KIAA2012: variants seen among roughly 807,000 people sequenced by gnomAD.
The protein encoded by KIAA2012 is KIAA2012.
In KIAA2012, 125 loss-of-function variants were observed where a neutral mutation model predicts 150.6. That is an observed-to-expected ratio of 0.83 (90% CI 0.72 to 0.96). The LOEUF is 0.96. KIAA2012 is among the 40% of genes least tolerant of loss of function. The pLI is 0.00. For missense variants in KIAA2012, 1,219 were observed against 1,354.9 expected (o/e 0.90, Z 1.57); for synonymous variants, 462 against 504.7 (o/e 0.92, Z 1.13).
intron 2 of KIAA2012, among the ~76,000 whole-genome samples, chr2:202,082,722 C>T (rs768058034): frequency 1.1e-4 from 16 of 152,040 alleles, no homozygotes; most frequent in Non-Finnish European, 1.5e-4. Context: ...GAAGCTTTTC[C>T]CCTATGGTTG....
At chr2:202,158,430 G>T (rs1016630217) in intron 14 of KIAA2012, among the ~76,000 whole-genome samples, 4 of 152,206 alleles carry the variant, frequency 2.6e-5, no homozygotes, top group Admixed American at 1.3e-4. Context: ...AATGAAACAG[G>T]TAATAGCACA....
At chr2:202,165,262 T>A in intron 14 of KIAA2012, 22 bp from the exon 15 acceptor site, 1 of 1,546,874 alleles carries the variant, frequency 6.5e-7, no homozygotes, top group Non-Finnish European at 8.7e-7. Flanking sequence ...AATGTATTCT[T>A]TGTTGTGTGT....
chr2:202,074,754 T>C, intron 1 of KIAA2012, 137 bp from the exon 2 acceptor site: 1 of 859,148 alleles, frequency 1.2e-6, no homozygotes, highest in Non-Finnish European at 1.7e-6. Flanking sequence ...AGAAGAGCAA[T>C]TGTGTTCCAT....
Position 202,202,449 on chromosome 2 carries a change from A to G in KIAA2012, c.3428A>G (p.Lys1143Arg). Residue 1143 changes from lysine (K) to arginine (R), a missense_variant, in exon 23 of 24, where the codon AAA becomes AGA. Lys to Arg is a conservative substitution (Grantham distance 26). Coordinates refer to ENST00000498697, the MANE Select transcript of KIAA2012 (RefSeq NM_001277372.4). ...CTTAGGCAAAAAGCTGCTTTGGAGA[A>G]ACATTTTCATTTCTATCAAGAACTC... ...EQARQKAALE[K>R]HFHFYQELHK... 1 of 399,742 alleles carries G rather than the reference A, an allele frequency of 2.5e-6. No homozygotes were observed. Among genetic ancestry groups the G allele is most frequent in the Non-Finnish European group, 4.4e-6 (1 of 226,652 alleles). 24.8% of individuals were successfully genotyped at this position (399,742 alleles called of 1,614,324 possible).
At chr2:202,179,263 T>C (rs1311245588) in intron 15 of KIAA2012, 5 of 1,032,080 alleles carry the variant, frequency 4.8e-6, no homozygotes, top group Non-Finnish European at 7.4e-6. Context: ...TTAAAAACTG[T>C]ACATACTTGT....
chr2:202,098,818 G>GTGTT (rs1442797139), intron 5 of KIAA2012, among the ~76,000 whole-genome samples: 27 of 146,604 alleles, frequency 1.8e-4, no homozygotes, highest in African/African-American at 6.4e-4. Flanking sequence ...GTGTGTGTGT[G>GTGTT]TGCACGCGCG....
At chr2:202,200,519 G>C (rs1472134318) in intron 22 of KIAA2012, among the ~76,000 whole-genome samples, 1 of 152,020 alleles carries the variant, frequency 6.6e-6, no homozygotes, top group African/African-American at 2.4e-5. Context: ...GAAGGAAATT[G>C]GCTTTCGGTC....
rs1439022378 is a variant in KIAA2012 at position 202,100,397 on chromosome 2, C to T, written c.1103C>T (p.Ala368Val). 4.5e-6 allele frequency: 7 copies of T among 1,550,596 alleles called. No homozygotes were observed. In the East Asian group the frequency reaches 9.8e-5, roughly 22 times the overall value. ...GAAAGAAGCCTCTTCCCTCCTGTAGCATCTGCCACTGGCTCCAGAATAATC... is the reference window on the plus strand; with the variant it reads ...GAAAGAAGCCTCTTCCCTCCTGTAGTATCTGCCACTGGCTCCAGAATAATC... Reference protein sequence around the residue: ...PAERSLFPPVASATGSRIITP... With the variant: ...PAERSLFPPVVSATGSRIITP... The change falls in exon 7 of 24, where the codon GCA becomes GTA. Residue 368 changes from alanine to valine, a missense_variant. Ala to Val is a moderately conservative substitution (Grantham distance 64). Coordinates refer to ENST00000498697, the MANE Select transcript of KIAA2012 (RefSeq NM_001277372.4).
intron 1 of KIAA2012, 60 bp from the exon 2 acceptor site, chr2:202,074,831 T>C (rs1689285976): frequency 6.8e-7 from 1 of 1,464,004 alleles, no homozygotes; most frequent in South Asian, 1.4e-5. Flanking sequence ...GCACAAGCAG[T>C]ATTTGCTATA....
At chr2:202,088,670 T>C (rs1452144292) in intron 2 of KIAA2012, among the ~76,000 whole-genome samples, 1 of 152,232 alleles carries the variant, frequency 6.6e-6, no homozygotes, top group Non-Finnish European at 1.5e-5. Flanking sequence ...TTATTTCATT[T>C]ACACCAAAAA....
chr2:202,175,805 A>G (rs567034164), intron 15 of KIAA2012, among the ~76,000 whole-genome samples: 2 of 152,378 alleles, frequency 1.3e-5, no homozygotes, highest in South Asian at 2.1e-4. Context: ...TTGAAAAAAA[A>G]TAAAGTGGAA....
At position 202,188,166 on chromosome 2, in the gene KIAA2012, T is replaced by A. The variant is rs1012480746; in HGVS notation, c.2391T>A (p.Ile797=). The change falls in exon 18 of 24, where the codon ATT becomes ATA. Residue 797 remains isoleucine, a synonymous_variant. Coordinates refer to ENST00000498697, the MANE Select transcript of KIAA2012 (RefSeq NM_001277372.4). ...TTCACCTTTAGGAGAGGGATTTGAT[T>A]AACGAGGCCAAGAGAAAGGAAAAAC... is the stretch of plus-strand genomic sequence containing the variant. ...SANISHERDL[I]NEAKRKEKPK... is the part of the protein sequence containing the mutation. The A allele has an allele frequency of 6.4e-7, 1 of 1,550,416 alleles. No homozygotes were observed. Among genetic ancestry groups the A allele is most frequent in the Non-Finnish European group, 8.7e-7 (1 of 1,146,936 alleles).
At chr2:202,176,854 G>A (rs1262399146) in intron 15 of KIAA2012, among the ~76,000 whole-genome samples, 1 of 152,058 alleles carries the variant, frequency 6.6e-6, no homozygotes, top group African/African-American at 2.4e-5. Context: ...CTATTAATGA[G>A]GATATAAAGT....
rs987535013 is a variant in KIAA2012 at position 202,075,057 on chromosome 2, C to A, written c.251C>A (p.Thr84Lys). 6.4e-7 allele frequency: 1 copy of A among 1,550,480 alleles called. No individual in the cohort carries two copies. The highest frequency in any genetic ancestry group is 1.4e-5 in the African/African-American group (1 of 73,052). The change falls in exon 2 of 24, where the codon ACA (threonine) becomes AAA (lysine). Residue 84 changes from threonine (T) to lysine (K), a missense_variant. Physicochemically the swap from Thr to Lys is moderately conservative, Grantham distance 78. Coordinates refer to ENST00000498697, the MANE Select transcript of KIAA2012 (RefSeq NM_001277372.4). ...GAAGGTTTTGCCATTTCGGCATGGA[C>A]ACCCAAAGAGAGGAGAAAAGGCCCC... is the stretch of plus-strand genomic sequence containing the variant. Reference protein sequence around the residue: ...YSEGFAISAWTPKERRKGPYC... With the variant: ...YSEGFAISAWKPKERRKGPYC...
chr2:202,181,879 T>C (rs1295454187), intron 15 of KIAA2012, among the ~76,000 whole-genome samples: 1 of 152,096 alleles, frequency 6.6e-6, no homozygotes, highest in Non-Finnish European at 1.5e-5. Flanking sequence ...AAGGGATAAT[T>C]GACATACAAT....
At chr2:202,096,229 A>G (rs1202554218) in intron 4 of KIAA2012, among the ~76,000 whole-genome samples, 2 of 152,220 alleles carry the variant, frequency 1.3e-5, no homozygotes, top group African/African-American at 2.4e-5. Context: ...TCATTCTACA[A>G]GGGATCATTC....
At chr2:202,133,130 A>ATTTTTTTTTTTT (rs60064904) in intron 12 of KIAA2012, among the ~76,000 whole-genome samples, 5 of 67,768 alleles carry the variant, frequency 7.4e-5, no homozygotes, top group Admixed American at 1.8e-4. Flanking sequence ...ATATATATAT[A>ATTTTTTTTTTTT]TTTTTTTTTT....
chr2:202,167,908 T>C (rs1257495533), intron 15 of KIAA2012, among the ~76,000 whole-genome samples: 1 of 152,066 alleles, frequency 6.6e-6, no homozygotes, highest in Admixed American at 6.5e-5. Flanking sequence ...CAGGCACTGT[T>C]TAGGCAGCAT....
chr2:202,199,568 C>G (rs551798886), intron 22 of KIAA2012, among the ~76,000 whole-genome samples: 208 of 152,194 alleles, frequency 1.4e-3, no homozygotes, highest in African/African-American at 4.7e-3. Context: ...TGCTGAACTT[C>G]CAGAACAGTC....
Sources: allele counts gnomAD v4.1 joint callset (sites outside exome capture counted in the v4.1 genomes callset), GRCh38; gene constraint gnomAD v4.1.1; transcripts MANE v1.5; gene names NCBI Gene and HGNC (gene_info 2026-07-23, HGNC 2026-07-21).